Variants in ARHGAP18 observed in about 807,000 individuals in gnomAD.
ARHGAP18 encodes rho GTPase-activating protein 18.
A neutral mutation model predicts 86.2 loss-of-function variants in ARHGAP18; 67 were observed. That is an observed-to-expected ratio of 0.78 (90% CI 0.64 to 0.95). The LOEUF (loss-of-function observed/expected upper bound fraction) is 0.95, where lower values mean the gene tolerates loss of function less well. ARHGAP18 is among the 40% of genes least tolerant of loss of function. The probability of loss-of-function intolerance (pLI) is 0.00; values close to 1 mark genes in which losing one functional copy is unlikely to be tolerated. For missense variants in ARHGAP18, 691 were observed against 780.4 expected (o/e 0.89, Z 1.37); for synonymous variants, 283 against 280.4 (o/e 1.01, Z -0.09).
At chr6:129,647,172 C>T (rs1773597679) in intron 1 of ARHGAP18, among the ~76,000 whole-genome samples, 1 of 152,090 alleles carries the variant, frequency 6.6e-6, no homozygotes, top group Admixed American at 6.6e-5. Flanking sequence ...TACTGTTAAT[C>T]ATTTGCTGGT....
Position 129,608,064 on chromosome 6 carries a change from G to GAAGA in ARHGAP18, c.1123-13_1123-12insTCTT. ...TCTTGGCAAAGATTCTGATAGGCAC[G>GAAGA]AAAAAAAAAAAAAAAAAAAAAAGAA... On this transcript the variant is annotated splice_polypyrimidine_tract_variant and intron_variant, in intron 8 of 14. Transcript: ENST00000368149. The GAAGA allele has an allele frequency of 1.0e-6, 1 of 981,368 alleles. No homozygotes were observed. Among genetic ancestry groups the GAAGA allele is most frequent in the Non-Finnish European group, 1.2e-6 (1 of 804,712 alleles). 60.8% of individuals were successfully genotyped at this position (981,368 alleles called of 1,614,324 possible).
intron 7 of ARHGAP18, among the ~76,000 whole-genome samples, chr6:129,612,591 T>C (rs1789002820): frequency 1.3e-5 from 2 of 152,172 alleles, no homozygotes. Flanking sequence ...CAGGGAAGCC[T>C]CCTTTAATGA....
chr6:129,692,771 T>C (rs549042879), intron 1 of ARHGAP18, among the ~76,000 whole-genome samples: 1 of 152,318 alleles, frequency 6.6e-6, no homozygotes, highest in South Asian at 2.1e-4. Context: ...ACCTTTGGCT[T>C]CCTGAGAACT....
chr6:129,625,665 T>G (rs1194329401), intron 5 of ARHGAP18, among the ~76,000 whole-genome samples: 1 of 69,020 alleles, frequency 1.4e-5, no homozygotes, highest in African/African-American at 5.8e-5. Flanking sequence ...TTATATATAT[T>G]TATATTATAT....
chr6:129,586,125 T>A (rs954382627), intron 12 of ARHGAP18, among the ~76,000 whole-genome samples: 5 of 152,232 alleles, frequency 3.3e-5, no homozygotes, highest in Non-Finnish European at 7.3e-5. Flanking sequence ...AGTGACTCCA[T>A]GAACTTCTCC....
intron 1 of ARHGAP18, chr6:129,661,875 A>G (rs1407668667): frequency 1.1e-5 from 11 of 985,250 alleles, no homozygotes; most frequent in African/African-American, 5.2e-5. Flanking sequence ...AGTTTTGTTC[A>G]GAACCCAACA....
chr6:129,708,475 T>C (rs1562732151), intron 1 of ARHGAP18, among the ~76,000 whole-genome samples: 2 of 151,936 alleles, frequency 1.3e-5, no homozygotes, highest in Admixed American at 6.6e-5. Flanking sequence ...GAATAATGAG[T>C]CTCCAGAACT....
Position 129,618,802 on chromosome 6 carries a change from G to A in ARHGAP18, c.837C>T (p.Leu279=), listed in dbSNP as rs369067311. Residue 279 remains leucine, a synonymous_variant, in exon 6 of 15, where the codon CTC becomes CTT. Coordinates refer to ENST00000368149, the MANE Select transcript of ARHGAP18 (RefSeq NM_033515.3). ...DKTGTTRIGD[L]APQDMKKVCH... ...AAACTTTCTTCATGTCCTGGGGTGC[G>A]AGGTCACCAATCCTTGTGGTACCCG... 3.3e-5 allele frequency: 54 copies of A among 1,613,192 alleles called. No homozygotes were observed. The highest frequency in any genetic ancestry group is 2.2e-4 in the Admixed American group (13 of 59,986).
rs551412735 is a variant in ARHGAP18, at chr6:129,577,249, C to G, written c.*1264G>C. 6.6e-6 allele frequency: 1 copy of G among 152,104 alleles called. No homozygotes were observed. The highest frequency in any genetic ancestry group is 2.4e-5 in the African/African-American group (1 of 41,426). 9.4% of individuals were successfully genotyped at this position (152,104 alleles called of 1,614,324 possible). ...GACTGTTCTCATTAACAGCATTCCC[C>G]CCCTTCATTAGAGACATCAAGAGCT... On this transcript the variant is annotated 3_prime_UTR_variant, in exon 15 of 15. Coordinates refer to ENST00000368149, the MANE Select transcript of ARHGAP18 (RefSeq NM_033515.3).
chr6:129,641,371 A>G (rs147790240), intron 2 of ARHGAP18, among the ~76,000 whole-genome samples: 126 of 152,348 alleles, frequency 8.3e-4, no homozygotes, highest in African/African-American at 3.0e-3. Flanking sequence ...GTTAGAGGAC[A>G]GCAGATTATA....
At chr6:129,651,536 A>G (rs1773710251) in intron 1 of ARHGAP18, among the ~76,000 whole-genome samples, 1 of 152,160 alleles carries the variant, frequency 6.6e-6, no homozygotes, top group Admixed American at 6.5e-5. Flanking sequence ...GTAGATGACA[A>G]AAGACACCAG....
At chr6:129,615,659 C>G (rs957468431) in intron 7 of ARHGAP18, among the ~76,000 whole-genome samples, 1 of 152,168 alleles carries the variant, frequency 6.6e-6, no homozygotes, top group Non-Finnish European at 1.5e-5. Context: ...ATCTGTATTT[C>G]TGAACAATGA....
intron 5 of ARHGAP18, among the ~76,000 whole-genome samples, chr6:129,619,297 AAAG>A (rs1447933137): frequency 6.5e-4 from 1 of 1,544 alleles, no homozygotes; most frequent in African/African-American, 3.7e-3. Context: ...AGGGGGAAAG[AAAG>A]AAGGAGGGGG....
intron 1 of ARHGAP18, among the ~76,000 whole-genome samples, chr6:129,702,236 C>T (rs1774723953): frequency 6.6e-6 from 1 of 151,322 alleles, no homozygotes; most frequent in Non-Finnish European, 1.5e-5. Context: ...TTATTTCTTG[C>T]AAAAAAAAGG....
At chr6:129,579,390 AC>A (rs1224779539) in intron 14 of ARHGAP18, among the ~76,000 whole-genome samples, 1 of 152,124 alleles carries the variant, frequency 6.6e-6, no homozygotes, top group Non-Finnish European at 1.5e-5. Context: ...AAAACACCCT[AC>A]AAAATTTATT....
chr6:129,617,827 C>CA (rs1198179803), intron 6 of ARHGAP18, among the ~76,000 whole-genome samples: 1 of 152,156 alleles, frequency 6.6e-6, no homozygotes, highest in African/African-American at 2.4e-5. Flanking sequence ...TTCAGTCCTA[C>CA]AGAGTAATTG....
intron 1 of ARHGAP18, among the ~76,000 whole-genome samples, chr6:129,709,156 A>G (rs530286642): frequency 1.3e-5 from 2 of 152,336 alleles, no homozygotes; most frequent in African/African-American, 4.8e-5. Context: ...GTGCTTACCG[A>G]TAACTAATTT....
At chr6:129,684,781 G>C (rs1470432130) in intron 1 of ARHGAP18, among the ~76,000 whole-genome samples, 2 of 152,236 alleles carry the variant, frequency 1.3e-5, no homozygotes, top group South Asian at 2.1e-4. Flanking sequence ...AATCATGAAA[G>C]CCAAGAAATT....
intron 1 of ARHGAP18, among the ~76,000 whole-genome samples, chr6:129,670,506 A>G (rs756503926): frequency 1.3e-5 from 2 of 152,182 alleles, no homozygotes; most frequent in Non-Finnish European, 2.9e-5. Context: ...GCATTCTGGT[A>G]GAGAATATTC....
Sources: allele counts gnomAD v4.1 joint callset (sites outside exome capture counted in the v4.1 genomes callset), GRCh38; gene constraint gnomAD v4.1.1; transcripts MANE v1.5; gene names NCBI Gene and HGNC (gene_info 2026-07-23, HGNC 2026-07-21).